Variants in NRXN1 observed in about 807,000 individuals in gnomAD.
NRXN1 encodes the protein neurexin 1.
NRXN1 carries 39 observed loss-of-function variants against 150.9 expected under a neutral mutation model. The ratio of observed to expected loss-of-function variants is 0.26; its 90% CI spans 0.20 to 0.34. The LOEUF (loss-of-function observed/expected upper bound fraction) is 0.34, where lower values mean the gene tolerates loss of function less well. Among genes scored for constraint, NRXN1 ranks in the 10% least tolerant of loss-of-function variants. The pLI is 1.00. For missense variants in NRXN1, 1,815 were observed against 1,949.9 expected (o/e 0.93, Z 1.30); for synonymous variants, 924 against 757.0 (o/e 1.22, Z -3.62).
chr2:50,281,754 G>A (rs1280806627), intron 17 of NRXN1, among the ~76,000 whole-genome samples: 1 of 152,044 alleles, frequency 6.6e-6, no homozygotes, highest in Non-Finnish European at 1.5e-5. Context: ...TTATTTGTTG[G>A]TGCAAAATCT....
chr2:50,242,591 T>C (rs931369926), intron 17 of NRXN1, among the ~76,000 whole-genome samples: 1 of 151,656 alleles, frequency 6.6e-6, no homozygotes, highest in African/African-American at 2.4e-5. Flanking sequence ...AAGTAATGAG[T>C]TTCTACCTAT....
chr2:50,324,495 T>C (rs2076258266), intron 17 of NRXN1, among the ~76,000 whole-genome samples: 2 of 152,264 alleles, frequency 1.3e-5, no homozygotes, highest in South Asian at 4.1e-4. Context: ...TGTGTTCACT[T>C]TGCCATATAC....
At chr2:50,500,276 T>C (rs1249035119) in intron 13 of NRXN1, among the ~76,000 whole-genome samples, 1 of 152,008 alleles carries the variant, frequency 6.6e-6, no homozygotes, top group African/African-American at 2.4e-5. Context: ...AGGAATAGAA[T>C]ATGCACACAG....
chr2:50,563,181 T>A (rs1669361059), intron 8 of NRXN1, among the ~76,000 whole-genome samples: 2 of 152,172 alleles, frequency 1.3e-5, no homozygotes, highest in African/African-American at 2.4e-5. Flanking sequence ...ACATAGCAAG[T>A]TATACATTCA....
chr2:49,929,817 A>G (rs1669812058), intron 22 of NRXN1, among the ~76,000 whole-genome samples: 1 of 152,170 alleles, frequency 6.6e-6, no homozygotes, highest in Non-Finnish European at 1.5e-5. Flanking sequence ...CTGAGGGTAT[A>G]GGAGATAACG....
At chr2:50,779,765 C>T (rs529178382) in intron 5 of NRXN1, among the ~76,000 whole-genome samples, 4 of 150,362 alleles carry the variant, frequency 2.7e-5, no homozygotes, top group South Asian at 2.1e-4. Context: ...CGGACTCCGT[C>T]GCAAAAATAA....
chr2:50,329,714 C>A (rs2076707994), intron 17 of NRXN1, among the ~76,000 whole-genome samples: 1 of 135,926 alleles, frequency 7.4e-6, no homozygotes, highest in East Asian at 2.2e-4. Flanking sequence ...CACTCTGTCA[C>A]CCAGGCTACA....
At chr2:51,020,433 T>C (rs1669426836) in intron 2 of NRXN1, among the ~76,000 whole-genome samples, 1 of 151,980 alleles carries the variant, frequency 6.6e-6, no homozygotes, top group Non-Finnish European at 1.5e-5. Flanking sequence ...CTACCAAATC[T>C]GATGCATACT....
At chr2:50,852,028 T>C (rs913720587) in intron 5 of NRXN1, among the ~76,000 whole-genome samples, 1 of 152,146 alleles carries the variant, frequency 6.6e-6, no homozygotes, top group African/African-American at 2.4e-5. Context: ...AAAGCTGTGC[T>C]AGCAATGATC....
At chr2:50,454,240 C>T (rs1017334694) in intron 17 of NRXN1, among the ~76,000 whole-genome samples, 1 of 152,068 alleles carries the variant, frequency 6.6e-6, no homozygotes, top group Non-Finnish European at 1.5e-5. Context: ...GCACGAGAAT[C>T]GCTTGAACCT....
intron 17 of NRXN1, among the ~76,000 whole-genome samples, chr2:50,275,835 G>C (rs1359131691): frequency 2.0e-5 from 3 of 151,966 alleles, no homozygotes; most frequent in Non-Finnish European, 2.9e-5. Context: ...GTTATCAATA[G>C]AACATAGTAA....
At chr2:50,551,191 G>C (rs911454273) in intron 9 of NRXN1, 1 of 151,902 alleles carries the variant, frequency 6.6e-6, no homozygotes, top group Non-Finnish European at 1.5e-5. Flanking sequence ...AGAATATTTA[G>C]GGAGACAAAG....
chr2:50,138,001 C>G (rs1706674555), intron 18 of NRXN1, among the ~76,000 whole-genome samples: 1 of 152,094 alleles, frequency 6.6e-6, no homozygotes, highest in Non-Finnish European at 1.5e-5. Flanking sequence ...AATTTTAATG[C>G]AAGCTAAGCC....
At chr2:50,730,672 C>CTTTTTTTTTTTTTTTT (rs56042523) in intron 5 of NRXN1, among the ~76,000 whole-genome samples, 10 of 122,026 alleles carry the variant, frequency 8.2e-5, no homozygotes, top group Admixed American at 1.9e-4. Context: ...TTCTTGTTTT[C>CTTTTTTTTTTTTTTTT]TTTTTTTTTT....
intron 2 of NRXN1, among the ~76,000 whole-genome samples, chr2:50,951,963 A>ATATATTTTTTTT (rs1387961788): frequency 1.3e-5 from 1 of 74,816 alleles, no homozygotes; most frequent in Non-Finnish European, 2.3e-5. Context: ...ATATATATAT[A>ATATATTTTTTTT]TTTTTTTTTT....
In NRXN1 at chr2:50,054,955, C is replaced by A; in HGVS notation, c.3808G>T (p.Gly1270Trp). ...RVVDEWLLDKGRQLTIFNSQA... is the reference protein window; with the variant it reads ...RVVDEWLLDKWRQLTIFNSQA... ...TGAAGTTTTAATCAATGTTTTTTAC[C>A]TTTGTCGAGTAGCCATTCATCAACT... The change falls in exon 20 of 23, where the codon GGG becomes TGG. Residue 1270 changes from glycine (G) to tryptophan (W), a missense_variant and splice_region_variant. Transcript: ENST00000401669. 6.5e-7 allele frequency: 1 copy of A among 1,544,092 alleles called. No homozygotes were observed. The highest frequency in any genetic ancestry group is 8.7e-7 in the Non-Finnish European group (1 of 1,145,810).
intron 19 of NRXN1, among the ~76,000 whole-genome samples, chr2:50,068,541 G>A (rs1695717394): frequency 6.6e-6 from 1 of 152,070 alleles, no homozygotes; most frequent in Non-Finnish European, 1.5e-5. Context: ...CTTCAATATT[G>A]ACTAGCTGGA....
At chr2:50,333,985 G>A (rs1398036163) in intron 17 of NRXN1, among the ~76,000 whole-genome samples, 1 of 151,868 alleles carries the variant, frequency 6.6e-6, no homozygotes, top group African/African-American at 2.4e-5. Context: ...TTAACAGTGA[G>A]GATATTAGGA....
chr2:49,949,225 G>A (rs767980975), intron 21 of NRXN1, among the ~76,000 whole-genome samples: 2 of 151,914 alleles, frequency 1.3e-5, no homozygotes, highest in African/African-American at 2.4e-5. Context: ...AAAAGAGGGA[G>A]CATTTGGTTG....
Sources: allele counts gnomAD v4.1 joint callset (sites outside exome capture counted in the v4.1 genomes callset), GRCh38; gene constraint gnomAD v4.1.1; transcripts MANE v1.5; gene names NCBI Gene and HGNC (gene_info 2026-07-23, HGNC 2026-07-21).